The following MARCHF3 variants were observed in gnomAD, a reference collection of about 807,000 sequenced individuals.
MARCHF3 encodes the protein E3 ubiquitin-protein ligase MARCHF3.
MARCHF3 carries 13 observed loss-of-function variants against 24.2 expected under a neutral mutation model. The ratio of observed to expected loss-of-function variants is 0.54; its 90% confidence interval spans 0.35 to 0.85. The LOEUF (loss-of-function observed/expected upper bound fraction) is 0.85, where lower values mean the gene tolerates loss of function less well. MARCHF3 is among the 40% of genes least tolerant of loss of function. The pLI is 0.01. For synonymous variants in MARCHF3, 144 were observed against 137.3 expected (o/e 1.05, Z -0.34); for missense variants, 276 against 325.0 (o/e 0.85, Z 1.16).
chr5:126,972,840 G>A (rs1177985151), intron 1 of MARCHF3, among the ~76,000 whole-genome samples: 4 of 152,180 alleles, frequency 2.6e-5, no homozygotes, highest in African/African-American at 2.4e-5. Flanking sequence ...GTATATTTGA[G>A]AGAGTTTTGA....
intron 3 of MARCHF3, among the ~76,000 whole-genome samples, chr5:126,880,124 T>G (rs1753296080): frequency 6.6e-6 from 1 of 151,564 alleles, no homozygotes; most frequent in Non-Finnish European, 1.5e-5. Flanking sequence ...GGGAAAGAAG[T>G]TGAGGAAAGA....
At chr5:126,982,047 CAG>C (rs1337500836) in intron 1 of MARCHF3, among the ~76,000 whole-genome samples, 1 of 152,182 alleles carries the variant, frequency 6.6e-6, no homozygotes, top group Non-Finnish European at 1.5e-5. Context: ...CAGATTACCT[CAG>C]ACTTTTCAAT....
intron 1 of MARCHF3, among the ~76,000 whole-genome samples, chr5:126,950,669 C>A (rs1387220902): frequency 6.6e-6 from 1 of 152,178 alleles, no homozygotes; most frequent in Non-Finnish European, 1.5e-5. Context: ...TGCCTCTCTT[C>A]AACATCATCA....
intron 3 of MARCHF3, among the ~76,000 whole-genome samples, chr5:126,902,268 C>T (rs771498282): frequency 1.3e-5 from 2 of 152,078 alleles, no homozygotes; most frequent in Non-Finnish European, 2.9e-5. Flanking sequence ...TGAATACACA[C>T]CTGTTTGTTA....
chr5:126,939,710 T>G (rs1193213567), intron 1 of MARCHF3, among the ~76,000 whole-genome samples: 1 of 152,230 alleles, frequency 6.6e-6, no homozygotes, highest in Non-Finnish European at 1.5e-5. Context: ...CATTGCTGAT[T>G]ACTGAATTAG....
intron 1 of MARCHF3, among the ~76,000 whole-genome samples, chr5:126,977,364 A>G (rs1454281581): frequency 6.6e-6 from 1 of 152,212 alleles, no homozygotes; most frequent in Non-Finnish European, 1.5e-5. Context: ...AATTTTTATA[A>G]TAATCTTAAT....
chr5:126,987,400 G>A (rs1269344761), intron 1 of MARCHF3, among the ~76,000 whole-genome samples: 1 of 152,204 alleles, frequency 6.6e-6, no homozygotes, highest in African/African-American at 2.4e-5. Flanking sequence ...TCCTGCCTGA[G>A]TTTCCAGTCT....
chr5:127,009,719 T>A, intron 1 of MARCHF3, among the ~76,000 whole-genome samples: 1 of 152,220 alleles, frequency 6.6e-6, no homozygotes, highest in East Asian at 1.9e-4. Flanking sequence ...CACAAAATCT[T>A]GTTTCTTCTT....
chr5:126,990,082 TTAACAA>T, intron 1 of MARCHF3, among the ~76,000 whole-genome samples: 1 of 143,636 alleles, frequency 7.0e-6, no homozygotes, highest in African/African-American at 2.6e-5. Context: ...GAGCCCCCAT[TTAACAA>T]GACAATCCTA....
intron 1 of MARCHF3, among the ~76,000 whole-genome samples, chr5:126,957,404 T>C (rs1750485976): frequency 1.3e-5 from 2 of 152,210 alleles, no homozygotes; most frequent in Admixed American, 6.5e-5. Context: ...TTCTGCAGTC[T>C]CTTCCATCAT....
chr5:126,987,108 T>C, intron 1 of MARCHF3, among the ~76,000 whole-genome samples: 1 of 152,244 alleles, frequency 6.6e-6, no homozygotes, highest in Non-Finnish European at 1.5e-5. Context: ...GTAGGCCTCA[T>C]CTAATCAGCT....
chr5:126,985,507 T>C lies in MARCHF3; in HGVS notation c.-57+44843A>G, dbSNP rs571890409. Among the ~76,000 whole-genome samples, 3 of 151,210 alleles carry C rather than the reference T, an allele frequency of 2.0e-5. No homozygotes were observed. In the East Asian group the frequency reaches 5.8e-4, roughly 29 times the overall value. ...TTTTTTGAGACGGAGTCTCACTCTG[T>C]CGCCCAGGCTGGAGTGCAGTGGCAC... On this transcript the variant is annotated intron_variant, in intron 1 of 4. Transcript: ENST00000308660.
intron 1 of MARCHF3, among the ~76,000 whole-genome samples, chr5:126,936,394 C>T (rs1213146854): frequency 2.0e-5 from 3 of 152,164 alleles, no homozygotes; most frequent in Non-Finnish European, 2.9e-5. Context: ...TAAATAAATA[C>T]ATAGTGTATC....
intron 1 of MARCHF3, among the ~76,000 whole-genome samples, chr5:126,925,304 C>G (rs1749254656): frequency 1.3e-5 from 2 of 152,136 alleles, no homozygotes; most frequent in Admixed American, 6.5e-5. Flanking sequence ...AGTGTACTAC[C>G]TTAAAGTTAT....
At chr5:127,009,936 T>A (rs1275072292) in intron 1 of MARCHF3, among the ~76,000 whole-genome samples, 1 of 152,188 alleles carries the variant, frequency 6.6e-6, no homozygotes, top group South Asian at 2.1e-4. Flanking sequence ...CAAGAAGGAA[T>A]AATAAACAGA....
chr5:126,976,966 G>C (rs1428055381), intron 1 of MARCHF3, among the ~76,000 whole-genome samples: 1 of 152,236 alleles, frequency 6.6e-6, no homozygotes, highest in African/African-American at 2.4e-5. Context: ...GAGAAAGGAA[G>C]GTCTATGTAT....
chr5:127,007,937 A>G (rs1403495535), intron 1 of MARCHF3, among the ~76,000 whole-genome samples: 1 of 152,188 alleles, frequency 6.6e-6, no homozygotes, highest in Non-Finnish European at 1.5e-5. Context: ...AATACATGCA[A>G]CATGCTACAG....
intron 1 of MARCHF3, among the ~76,000 whole-genome samples, chr5:126,945,635 T>G (rs1019035822): frequency 3.5e-4 from 54 of 152,242 alleles, no homozygotes; most frequent in African/African-American, 1.3e-3. Flanking sequence ...AGATTCAACT[T>G]GACCCTGAGC....
chr5:127,023,851 CA>C (rs1486032659), intron 1 of MARCHF3, among the ~76,000 whole-genome samples: 1 of 152,122 alleles, frequency 6.6e-6, no homozygotes, highest in East Asian at 1.9e-4. Flanking sequence ...CAGACATTAG[CA>C]GCCTCCAGGT....
Sources: allele counts gnomAD v4.1 joint callset (sites outside exome capture counted in the v4.1 genomes callset), GRCh38; gene constraint gnomAD v4.1.1; transcripts MANE v1.5; gene names NCBI Gene and HGNC (gene_info 2026-07-23, HGNC 2026-07-21).